LAMA4: variants seen among roughly 807,000 people sequenced by gnomAD.
The protein encoded by LAMA4 is laminin subunit alpha 4.
LAMA4 carries 127 observed loss-of-function variants against 207.1 expected under a neutral mutation model. The ratio of observed to expected loss-of-function variants is 0.61; its 90% CI spans 0.53 to 0.71. LAMA4 has a LOEUF of 0.71. Among genes scored for constraint, LAMA4 ranks in the 30% least tolerant of loss-of-function variants. The pLI, the probability that LAMA4 is intolerant of heterozygous loss-of-function variation, is 0.00. For missense variants in LAMA4, 2,093 were observed against 2,246.5 expected (o/e 0.93, Z 1.38); for synonymous variants, 761 against 816.0 (o/e 0.93, Z 1.15).
rs782217722 is a variant in LAMA4 at position 112,187,507 on chromosome 6, A to T, written c.909T>A (p.Ser303=). The part of the protein sequence containing the change: ...EGKSGVLSVS[S]GAAAHRHVNE... ...TCACGTGCCTATGAGCGGCGGCCCC[A>T]GAGGATACGCTCAGCACCCCGGATT... The change falls in exon 8 of 39, where the codon TCT becomes TCA. Residue 303 remains serine, a synonymous_variant. Transcript: ENST00000230538. The T allele has an allele frequency of 2.0e-5, 33 of 1,614,012 alleles. No individual in the cohort carries two copies. The African/African-American group carries it at 3.7e-4, about 18-fold the overall frequency.
chr6:112,154,357 C>CA (rs55988988), intron 16 of LAMA4, among the ~76,000 whole-genome samples: 5,782 of 120,198 alleles, frequency 0.048, 422 homozygotes, highest in African/African-American at 0.16. Context: ...ACACAAACTA[C>CA]AAAAAAAAAA....
In LAMA4 at chr6:112,117,809, C is replaced by T; in HGVS notation, c.4911G>A (p.Val1637=). 6.2e-7 allele frequency: 1 copy of T among 1,613,714 alleles called. No homozygotes were observed. Among genetic ancestry groups the T allele is most frequent in the Admixed American group, 1.7e-5 (1 of 59,986 alleles). The change falls in exon 35 of 39, where the codon GTG becomes GTA. Residue 1637 remains valine, a synonymous_variant. Transcript: ENST00000230538. This position sits in a 1 kb window ranked among gnomAD's most constrained non-coding sequence, Gnocchi z 4.5. ...SITSASQTFS[V]TPCFEGPMET... is the part of the protein sequence containing the mutation. ...CCATGGGGCCTTCAAAGCAAGGGGT[C>T]ACACTGAATGTCTGAGAAGCAGAGG...
At chr6:112,225,644 A>G (rs1554362180) in intron 2 of LAMA4, among the ~76,000 whole-genome samples, 1 of 152,154 alleles carries the variant, frequency 6.6e-6, no homozygotes, top group African/African-American at 2.4e-5. Flanking sequence ...TTATAAACTT[A>G]CTCTCTAAAC....
At chr6:112,188,856 A>C in intron 7 of LAMA4, 1 of 444,868 alleles carries the variant, frequency 2.2e-6, no homozygotes, top group Non-Finnish European at 4.1e-6. Flanking sequence ...GCCTTTAGCC[A>C]TTAGGTAAGA....
intron 31 of LAMA4, among the ~76,000 whole-genome samples, chr6:112,126,349 C>G (rs1778686939): frequency 6.6e-6 from 1 of 152,126 alleles, no homozygotes; most frequent in Non-Finnish European, 1.5e-5. Context: ...CTTTTAGCAT[C>G]AATGTATGAG....
At chr6:112,222,821 T>C (rs1388232927) in intron 2 of LAMA4, among the ~76,000 whole-genome samples, 3 of 152,248 alleles carry the variant, frequency 2.0e-5, no homozygotes, top group Non-Finnish European at 4.4e-5. Context: ...ATTTGTCTAA[T>C]TGAAACAATA....
chr6:112,241,201 G>GAT, intron 2 of LAMA4, among the ~76,000 whole-genome samples: 1 of 59,436 alleles, frequency 1.7e-5, no homozygotes, highest in Non-Finnish European at 4.1e-5. Flanking sequence ...GAATATATAT[G>GAT]ATATATATGA....
chr6:112,169,409 C>T lies in LAMA4; in HGVS notation c.1551+3202G>A, dbSNP rs571023020. Among the ~76,000 whole-genome samples the T allele has an allele frequency of 3.9e-5, 6 of 152,306 alleles. 1 individual carries two copies. Among genetic ancestry groups the T allele is most frequent in the East Asian group, 1.9e-4 (1 of 5,180 alleles). On this transcript the variant is annotated intron_variant, in intron 12 of 38. Transcript: ENST00000230538. ...AGCAGGTAATAGCAAGGCTAATCCA[C>T]GTGGCTATTCCTGCAGAAAGACACA...
chr6:112,160,470 C>A (rs1488067467), intron 13 of LAMA4, among the ~76,000 whole-genome samples: 2 of 151,706 alleles, frequency 1.3e-5, no homozygotes, highest in African/African-American at 2.4e-5. Context: ...AAACAAAAAA[C>A]CTTATTCTTT....
At chr6:112,249,020 G>T (rs1787220229) in intron 2 of LAMA4, among the ~76,000 whole-genome samples, 1 of 152,180 alleles carries the variant, frequency 6.6e-6, no homozygotes, top group African/African-American at 2.4e-5. Context: ...TTTCTTACGT[G>T]AGTAGTTTTA....
At chr6:112,222,574 A>G (rs1784981927) in intron 2 of LAMA4, among the ~76,000 whole-genome samples, 1 of 152,220 alleles carries the variant, frequency 6.6e-6, no homozygotes, top group Non-Finnish European at 1.5e-5. Context: ...ACCACTCTTA[A>G]GCCAAGTCCT....
intron 2 of LAMA4, among the ~76,000 whole-genome samples, chr6:112,252,761 T>C (rs1360888380): frequency 6.6e-6 from 1 of 152,166 alleles, no homozygotes; most frequent in Non-Finnish European, 1.5e-5. Context: ...AGCCTTCCCA[T>C]TGCATGAAGT....
chr6:112,190,899 CTT>C (rs1226185472), intron 6 of LAMA4, among the ~76,000 whole-genome samples: 1 of 80,856 alleles, frequency 1.2e-5, no homozygotes, highest in African/African-American at 4.7e-5. Context: ...TTCTTTCTTT[CTT>C]TCTTTCTTTC....
intron 31 of LAMA4, among the ~76,000 whole-genome samples, chr6:112,124,863 T>C (rs1778592114): frequency 6.6e-6 from 1 of 152,046 alleles, no homozygotes; most frequent in East Asian, 1.9e-4. Flanking sequence ...TTCAAGCGAT[T>C]CTCCTGCCTC....
intron 5 of LAMA4, among the ~76,000 whole-genome samples, chr6:112,192,537 C>T (rs952959745): frequency 6.6e-6 from 1 of 152,188 alleles, no homozygotes; most frequent in African/African-American, 2.4e-5. Flanking sequence ...CCCAGACTGC[C>T]ATTCTTCTGG....
intron 2 of LAMA4, among the ~76,000 whole-genome samples, chr6:112,250,260 C>G (rs1472983776): frequency 6.6e-6 from 1 of 152,144 alleles, no homozygotes; most frequent in Non-Finnish European, 1.5e-5. Context: ...AAAAAGAAAG[C>G]AGATGGTTAA....
chr6:112,254,159 T>G lies in LAMA4; in HGVS notation c.-9A>C. 1.2e-6 allele frequency: 2 copies of G among 1,612,658 alleles called. 1 individual carries two copies. The highest frequency in any genetic ancestry group is 2.2e-5 in the South Asian group (2 of 90,918). Reference sequence around the variant, plus strand: ...GCTGAGCTCAAAGCCATTTCTCCGCTGACATCCAGTAGTGCTCTTCCAGGG... The same window carrying G: ...GCTGAGCTCAAAGCCATTTCTCCGCGGACATCCAGTAGTGCTCTTCCAGGG... On this transcript the variant is annotated 5_prime_UTR_variant, in exon 2 of 39. Transcript: ENST00000230538.
At chr6:112,193,531 T>A (rs1554349700) in intron 5 of LAMA4, among the ~76,000 whole-genome samples, 1 of 152,156 alleles carries the variant, frequency 6.6e-6, no homozygotes, top group Non-Finnish European at 1.5e-5. Flanking sequence ...CAACATTTTG[T>A]GTATGTTCCT....
chr6:112,170,836 TGGAG>T (rs143717894), intron 12 of LAMA4, among the ~76,000 whole-genome samples: 20 of 152,196 alleles, frequency 1.3e-4, no homozygotes, highest in African/African-American at 4.6e-4. Flanking sequence ...GTAGGTCTCC[TGGAG>T]GAAGTAATGC....
Sources: gnomAD v4.1 joint callset for allele counts (sites outside exome capture counted in the v4.1 genomes callset) on GRCh38, gnomAD v4.1.1 for gene constraint, Gnocchi (gnomAD v3.1) non-coding constraint, MANE v1.5 for transcripts, NCBI Gene and HGNC (gene_info 2026-07-23, HGNC 2026-07-21) for gene names.